NHS: variants seen among roughly 807,000 people sequenced by gnomAD.
NHS encodes the protein actin remodeling regulator NHS.
Under a neutral mutation model 72.5 loss-of-function variants are expected in NHS, and 5 were observed. That is an observed-to-expected ratio of 0.07 (90% CI 0.04 to 0.14). The LOEUF (loss-of-function observed/expected upper bound fraction) is 0.14, where lower values mean the gene tolerates loss of function less well. Among genes scored for constraint, NHS ranks in the 10% least tolerant of loss-of-function variants. The probability of loss-of-function intolerance (pLI) is 1.00; values close to 1 mark genes in which losing one functional copy is unlikely to be tolerated. For synonymous variants in NHS, 464 were observed against 547.7 expected (o/e 0.85, Z 2.13); for missense variants, 1,072 against 1,355.7 (o/e 0.79, Z 3.29).
At chrX:17,416,973 T>C (rs1440267506) in intron 1 of NHS, among the ~76,000 whole-genome samples, 2 of 111,112 alleles carry the variant, frequency 1.8e-5, no homozygotes, top group South Asian at 3.8e-4. Flanking sequence ...CTTCAAGAAA[T>C]AGAAAGATAA....
intron 1 of NHS, among the ~76,000 whole-genome samples, chrX:17,638,978 A>T (rs1236204945): frequency 8.9e-6 from 1 of 111,808 alleles, no homozygotes; most frequent in Non-Finnish European, 1.9e-5. Context: ...CATGCAGCCA[A>T]ATGTTACACT....
chrX:17,438,930 T>C (rs2064737991), intron 1 of NHS, among the ~76,000 whole-genome samples: 1 of 110,075 alleles, frequency 9.1e-6, no homozygotes, highest in African/African-American at 3.3e-5. Context: ...GAAGGTGTTA[T>C]GGATAGTGTT....
chrX:17,725,788 T>C lies in NHS; in HGVS notation c.1682T>C (p.Leu561Ser). ...SPSAQDHQPT[L>S]GLACSQHLHS... is the part of the protein sequence containing the mutation. The stretch of plus-strand genomic sequence containing the variant: ...AGTGCCCAGGACCACCAGCCTACTT[T>C]GGGCCTGGCCTGCTCTCAACATCTT... Residue 561 changes from leucine to serine, a missense_variant, in exon 7 of 9, where the codon TTG becomes TCG. Transcript: ENST00000676302. 1 of 1,211,623 alleles carries C rather than the reference T, an allele frequency of 8.3e-7. No homozygotes were observed. Among genetic ancestry groups the C allele is most frequent in the Non-Finnish European group, 1.1e-6 (1 of 895,489 alleles).
intron 3 of NHS, among the ~76,000 whole-genome samples, chrX:17,704,096 G>A (rs921558306): frequency 9.9e-5 from 11 of 110,794 alleles, no homozygotes; most frequent in Admixed American, 4.8e-4. Flanking sequence ...AGAACACTTG[G>A]TTGTACACCT....
rs186526778 is a variant in NHS, at chrX:17,643,295, T to A, written c.566-44447T>A. ...GTGTGTTTTTCTTTCTTTCTTTCTT[T>A]CTTTTTTTTTCCCAGTAGGTTATAC... On this transcript the variant is annotated intron_variant, in intron 1 of 8. Transcript: ENST00000676302. Among the ~76,000 whole-genome samples the A allele has an allele frequency of 2.2e-3, 240 of 111,562 alleles. 1 individual carries two copies. The Middle Eastern group carries it at 0.032, about 15-fold the overall frequency.
intron 1 of NHS, among the ~76,000 whole-genome samples, chrX:17,641,676 T>C (rs2065881600): frequency 9.1e-6 from 1 of 110,254 alleles, no homozygotes; most frequent in Admixed American, 9.6e-5. Context: ...CACAGCTGCA[T>C]TTAGAGACCC....
At chrX:17,477,291 T>C (rs73189138) in intron 1 of NHS, among the ~76,000 whole-genome samples, 7,648 of 111,280 alleles carry the variant, frequency 0.069, 286 homozygotes, top group South Asian at 0.15. Flanking sequence ...TGTGGATATC[T>C]GAAGAAGAGA....
At chrX:17,612,999 T>C (rs1176575354) in intron 1 of NHS, among the ~76,000 whole-genome samples, 5 of 87,974 alleles carry the variant, frequency 5.7e-5, no homozygotes, top group African/African-American at 2.2e-4. Context: ...TTTTCAAAAG[T>C]AATTGCTGTT....
intron 1 of NHS, among the ~76,000 whole-genome samples, chrX:17,432,210 G>A (rs2064697507): frequency 8.9e-6 from 1 of 112,418 alleles, no homozygotes; most frequent in Non-Finnish European, 1.9e-5. Flanking sequence ...GTTGTTGGGA[G>A]GATTAAATAG....
chrX:17,698,151 C>A (rs1401895495), intron 3 of NHS, among the ~76,000 whole-genome samples: 1 of 111,168 alleles, frequency 9.0e-6, no homozygotes, highest in Non-Finnish European at 1.9e-5. Context: ...ACTATATGCT[C>A]TATACATTAA....
At chrX:17,468,992 C>T (rs899389966) in intron 1 of NHS, among the ~76,000 whole-genome samples, 1 of 111,948 alleles carries the variant, frequency 8.9e-6, no homozygotes, top group African/African-American at 3.2e-5. Flanking sequence ...CCTGCCCTGC[C>T]CCCAGGATAG....
chrX:17,589,905 G>A (rs1326090862), intron 1 of NHS, among the ~76,000 whole-genome samples: 1 of 111,390 alleles, frequency 9.0e-6, no homozygotes, highest in Non-Finnish European at 1.9e-5. Flanking sequence ...ATTGGATTGT[G>A]GTTTTGATTT....
intron 1 of NHS, among the ~76,000 whole-genome samples, chrX:17,417,152 AT>A (rs773235793): frequency 1.8e-5 from 2 of 109,266 alleles, no homozygotes; most frequent in Non-Finnish European, 3.8e-5. Flanking sequence ...AAAAACTAAG[AT>A]TTTTTTTTAA....
intron 1 of NHS, among the ~76,000 whole-genome samples, chrX:17,538,172 G>A (rs2065239389): frequency 8.9e-6 from 1 of 112,162 alleles, no homozygotes; most frequent in Admixed American, 9.4e-5. Flanking sequence ...TTCCTCATCT[G>A]CAGGCTGGCA....
At chrX:17,497,063 G>A in intron 1 of NHS, among the ~76,000 whole-genome samples, 1 of 112,204 alleles carries the variant, frequency 8.9e-6, no homozygotes, top group Admixed American at 9.5e-5. Flanking sequence ...AGATAAAAGG[G>A]AAACCCTACA....
intron 1 of NHS, among the ~76,000 whole-genome samples, chrX:17,435,430 C>T (rs766826677): frequency 3.6e-5 from 4 of 111,519 alleles, no homozygotes; most frequent in African/African-American, 1.3e-4. Context: ...AAGCCACTTC[C>T]CAGGCACTCT....
intron 1 of NHS, among the ~76,000 whole-genome samples, chrX:17,610,456 A>G (rs779931884): frequency 8.9e-6 from 1 of 112,367 alleles, no homozygotes; most frequent in African/African-American, 3.2e-5. Context: ...AGGGATACTT[A>G]AATGGTTTTA....
At chrX:17,586,813 C>T (rs1461164406) in intron 1 of NHS, 1 of 112,028 alleles carries the variant, frequency 8.9e-6, no homozygotes, top group Non-Finnish European at 1.9e-5. Flanking sequence ...GCAGAGCAGC[C>T]CTGAAAAAAC....
At chrX:17,620,857 G>A (rs1463148264) in intron 1 of NHS, among the ~76,000 whole-genome samples, 1 of 111,338 alleles carries the variant, frequency 9.0e-6, no homozygotes, top group Non-Finnish European at 1.9e-5. Flanking sequence ...GGAGCAGAGA[G>A]TATATTGGGT....
Sources: allele counts gnomAD v4.1 joint callset (sites outside exome capture counted in the v4.1 genomes callset), GRCh38; gene constraint gnomAD v4.1.1; transcripts MANE v1.5; gene names NCBI Gene and HGNC (gene_info 2026-07-23, HGNC 2026-07-21).